Variants in GPC6 observed in about 807,000 individuals in gnomAD.
GPC6 encodes glypican-6.
A neutral mutation model predicts 55.2 loss-of-function variants in GPC6; 14 were observed. The ratio of observed to expected loss-of-function variants is 0.25; its 90% CI spans 0.17 to 0.40. The LOEUF (loss-of-function observed/expected upper bound fraction) is 0.40. Ranked by LOEUF, GPC6 falls within the 10% of genes least tolerant of loss-of-function variation. The pLI, the probability that GPC6 is intolerant of heterozygous loss-of-function variation, is 1.00. For synonymous variants in GPC6, 278 were observed against 259.6 expected, an observed-to-expected ratio of 1.07 and a Z score of -0.68; for missense variants, 641 against 708.5, an observed-to-expected ratio of 0.90 and a Z score of 1.08.
At chr13:93,823,723 G>A (rs1887134669) in intron 2 of GPC6, among the ~76,000 whole-genome samples, 1 of 152,112 alleles carries the variant, frequency 6.6e-6, no homozygotes, top group Admixed American at 6.5e-5. Flanking sequence ...TGTATATGGA[G>A]GGGAGGGACA....
rs1441513335 is a variant in GPC6, at chr13:93,226,977, C to T, written c.-480C>T. The T allele has an allele frequency of 6.5e-6, 1 of 154,616 alleles. No homozygotes were observed. The allele number at this position is 154,616 out of a possible 1,614,324, so 9.6% of individuals were successfully genotyped here. The stretch of plus-strand genomic sequence containing the variant: ...CACACATCCCCAAGAACCTCGAGCT[C>T]ACACCAACAGACACACGCGCGCATA... On this transcript the variant is annotated 5_prime_UTR_variant, in exon 1 of 9. Transcript: ENST00000377047.
intron 1 of GPC6, among the ~76,000 whole-genome samples, chr13:93,386,519 A>G (rs968314584): frequency 3.3e-5 from 5 of 152,272 alleles, no homozygotes; most frequent in Non-Finnish European, 7.4e-5. Context: ...TGTTAAATCT[A>G]CCCAGCTTCT....
intron 3 of GPC6, among the ~76,000 whole-genome samples, chr13:93,962,115 T>C (rs1385515670): frequency 6.6e-6 from 1 of 152,164 alleles, no homozygotes; most frequent in African/African-American, 2.4e-5. Flanking sequence ...CTGGTGAGTA[T>C]TTGAACCATA....
rs557172154 is a variant in GPC6 at position 93,470,078 on chromosome 13, T to A, written c.161-75185T>A. ...TTTCTCCAACTGTGTTCCTTTGCCA[T>A]TTTTTTGGTAATTCTAGATCTTTTG... On this transcript the variant is annotated intron_variant, in intron 1 of 8. Transcript: ENST00000377047. Among the ~76,000 whole-genome samples, 86 of 152,146 alleles carry A rather than the reference T, an allele frequency of 5.7e-4. 1 individual carries two copies. The East Asian group carries it at 8.7e-3, about 15-fold the overall frequency.
chr13:93,915,866 C>T (rs555586644), intron 3 of GPC6, among the ~76,000 whole-genome samples: 18 of 152,248 alleles, frequency 1.2e-4, no homozygotes, highest in African/African-American at 2.2e-4. Flanking sequence ...GACCTCACTG[C>T]GCAGATTGGA....
At chr13:94,181,386 A>G (rs1474779443) in intron 4 of GPC6, among the ~76,000 whole-genome samples, 2 of 152,194 alleles carry the variant, frequency 1.3e-5, no homozygotes, top group African/African-American at 4.8e-5. Flanking sequence ...TAGGGGAAAT[A>G]GAAAAGAACC....
At chr13:94,197,043 AAC>A (rs953482032) in intron 4 of GPC6, among the ~76,000 whole-genome samples, 2 of 150,546 alleles carry the variant, frequency 1.3e-5, no homozygotes, top group African/African-American at 4.9e-5. Context: ...GGTTTTTTTT[AAC>A]ACATTGATAC....
chr13:93,559,229 A>T (rs1372420803), intron 2 of GPC6, among the ~76,000 whole-genome samples: 1 of 152,212 alleles, frequency 6.6e-6, no homozygotes, highest in African/African-American at 2.4e-5. Context: ...ATGTGAAATC[A>T]GTTGTCTTTC....
At chr13:93,352,663 A>G (rs1880673664) in intron 1 of GPC6, among the ~76,000 whole-genome samples, 1 of 151,984 alleles carries the variant, frequency 6.6e-6, no homozygotes, top group South Asian at 2.1e-4. Context: ...AGGAGTGGGG[A>G]GTGGAAGGAA....
At chr13:94,155,578 G>A (rs1471080974) in intron 4 of GPC6, among the ~76,000 whole-genome samples, 1 of 152,108 alleles carries the variant, frequency 6.6e-6, no homozygotes, top group Non-Finnish European at 1.5e-5. Context: ...TGCAGGGTGT[G>A]GAGAGAATTT....
intron 3 of GPC6, among the ~76,000 whole-genome samples, chr13:93,951,233 C>T (rs1334420442): frequency 6.6e-6 from 1 of 152,144 alleles, no homozygotes; most frequent in Admixed American, 6.5e-5. Context: ...TGTCATGTTA[C>T]TTCCTGCTTG....
At chr13:93,434,241 A>T (rs762296482) in intron 1 of GPC6, among the ~76,000 whole-genome samples, 1 of 152,182 alleles carries the variant, frequency 6.6e-6, no homozygotes, top group Non-Finnish European at 1.5e-5. Flanking sequence ...GAAATGCCAC[A>T]GTCTTATGTT....
At chr13:94,085,321 CAAAAAAAAAAAAAAAAAA>C (rs33967804) in intron 4 of GPC6, among the ~76,000 whole-genome samples, 1 of 87,050 alleles carries the variant, frequency 1.1e-5, no homozygotes, top group African/African-American at 4.3e-5. Context: ...GATTCTGTCT[CAAAAAAAAAAAAAAAAAA>C]AAAAAGGGAA....
intron 3 of GPC6, among the ~76,000 whole-genome samples, chr13:93,903,060 A>G (rs1876451936): frequency 6.6e-6 from 1 of 152,212 alleles, no homozygotes; most frequent in African/African-American, 2.4e-5. Context: ...ATATACAAAA[A>G]TCAACGCATA....
intron 2 of GPC6, among the ~76,000 whole-genome samples, chr13:93,638,214 G>A (rs1879774869): frequency 6.6e-6 from 1 of 152,024 alleles, no homozygotes; most frequent in South Asian, 2.1e-4. Context: ...TCAACAAAAT[G>A]GGCATAACAT....
At chr13:94,266,788 A>G (rs746769971) in intron 4 of GPC6, among the ~76,000 whole-genome samples, 2 of 152,236 alleles carry the variant, frequency 1.3e-5, no homozygotes, top group African/African-American at 4.8e-5. Flanking sequence ...TATATCTCAC[A>G]GGTACTCAGC....
At chr13:93,510,159 A>G (rs1228620816) in intron 1 of GPC6, among the ~76,000 whole-genome samples, 1 of 152,098 alleles carries the variant, frequency 6.6e-6, no homozygotes, top group Non-Finnish European at 1.5e-5. Context: ...GTTACATGTA[A>G]TGTGTAGTGA....
chr13:94,007,033 G>A (rs375838917), intron 3 of GPC6, among the ~76,000 whole-genome samples: 5 of 152,040 alleles, frequency 3.3e-5, no homozygotes, highest in Non-Finnish European at 5.9e-5. Context: ...GTTTCTCTGC[G>A]TAACTTACAA....
chr13:93,884,906 G>A (rs1273391265), intron 3 of GPC6, among the ~76,000 whole-genome samples: 1 of 152,046 alleles, frequency 6.6e-6, no homozygotes, highest in Admixed American at 6.6e-5. Context: ...AAAAATTCTA[G>A]AATATTTTGC....
Sources: allele counts gnomAD v4.1 joint callset (sites outside exome capture counted in the v4.1 genomes callset), GRCh38; gene constraint gnomAD v4.1.1; transcripts MANE v1.5; gene names NCBI Gene and HGNC (gene_info 2026-07-23, HGNC 2026-07-21).